The following CATSPERG variants were observed in gnomAD, a reference collection of about 807,000 sequenced individuals.
CATSPERG encodes the protein catsper channel auxiliary subunit gamma, also known as cation channel sperm-associated auxiliary subunit gamma.
A neutral mutation model predicts 145.0 loss-of-function variants in CATSPERG; 115 were observed. The observed-to-expected ratio is 0.79, with a 90% confidence interval of 0.68 to 0.93. CATSPERG has a LOEUF of 0.93. Among genes scored for constraint, CATSPERG ranks in the 40% least tolerant of loss-of-function variants. The pLI, the probability that CATSPERG is intolerant of heterozygous loss-of-function variation, is 0.00. For synonymous variants in CATSPERG, 588 were observed against 589.0 expected, an observed-to-expected ratio of 1.00 and a Z score of 0.02; for missense variants, 1,296 against 1,490.1, an observed-to-expected ratio of 0.87 and a Z score of 2.14.
At chr19:38,370,327 A>C (rs1047610719) in intron 28 of CATSPERG, 69 bp downstream of exon 28, 1 of 1,481,902 alleles carries the variant, frequency 6.7e-7, no homozygotes, top group African/African-American at 1.4e-5. Context: ...TATGCTTGTT[A>C]TACCTTCGCT....
chr19:38,367,860 GC>G, intron 25 of CATSPERG, 84 bp downstream of exon 25: 1 of 1,345,518 alleles, frequency 7.4e-7, no homozygotes, highest in Non-Finnish European at 1.1e-6. Flanking sequence ...CACCTCGCAA[GC>G]CCCCACCTCT....
At chr19:38,336,945 G>A (rs890300118) in intron 1 of CATSPERG, 5 of 528,344 alleles carry the variant, frequency 9.5e-6, no homozygotes, top group South Asian at 2.0e-5. Context: ...AGGGTCGGGG[G>A]CAGGGCCAGG....
At chr19:38,336,263 G>A (rs566361741) in intron 1 of CATSPERG, 241 of 454,952 alleles carry the variant, frequency 5.3e-4, no homozygotes, top group South Asian at 3.7e-3. Flanking sequence ...GTGGGGCGAG[G>A]AAACAACGAA....
At chr19:38,352,233 C>A in intron 7 of CATSPERG, 28 bp from the exon 8 acceptor site, 1 of 1,549,246 alleles carries the variant, frequency 6.5e-7, no homozygotes, top group East Asian at 2.4e-5. Flanking sequence ...AGGCCACCTG[C>A]TCACCACTAG....
chr19:38,353,979 A>G (rs985362540), intron 8 of CATSPERG, among the ~76,000 whole-genome samples: 2 of 140,930 alleles, frequency 1.4e-5, no homozygotes, highest in Non-Finnish European at 3.1e-5. Context: ...CGACAGAGTA[A>G]GACTCTGTCT....
rs1031265163 is a variant in CATSPERG, at chr19:38,358,531, T to C, written c.1466T>C (p.Ile489Thr). 1.2e-6 allele frequency: 2 copies of C among 1,614,046 alleles called. No individual in the cohort carries two copies. The highest frequency in any genetic ancestry group is 2.7e-5 in the African/African-American group (2 of 74,920). The change falls in exon 13 of 29, where the codon ATC becomes ACC. Residue 489 changes from isoleucine (I) to threonine (T), a missense_variant. Ile to Thr is a moderately conservative substitution (Grantham distance 89). Transcript: ENST00000409235. Reference protein sequence around the residue: ...GIFCNPYNNLIFIWGNFLLQS... With the variant: ...GIFCNPYNNLTFIWGNFLLQS... The stretch of plus-strand genomic sequence containing the variant: ...TTCTGTAACCCGTACAACAATCTGA[T>C]CTTCATCTGGGGCAACTTCCTCCTG...
Position 38,368,117 on chromosome 19 carries a change from C to G in CATSPERG, c.3000C>G (p.Ser1000=). 1 of 1,614,158 alleles carries G rather than the reference C, an allele frequency of 6.2e-7. No homozygotes were observed. The change falls in exon 26 of 29, where the codon TCC becomes TCG. Residue 1000 remains serine (S), a synonymous_variant. Transcript: ENST00000409235. The part of the protein sequence containing the change: ...TTKDSAFHIM[S]HESPGIEWLC... ...AAGACTCAGCCTTTCACATCATGTC[C>G]CACGAGAGCCCAGGCATCGAGTGAG...
At chr19:38,366,660 G>C (rs538336162) in intron 22 of CATSPERG, 119 of 155,016 alleles carry the variant, frequency 7.7e-4, no homozygotes, top group Admixed American at 1.5e-3. Flanking sequence ...TGGGGGCAAA[G>C]GAGTTGGAGG....
In CATSPERG at chr19:38,363,937, A is replaced by G. The variant is rs1011534227; in HGVS notation, c.2476-954A>G. Among the ~76,000 whole-genome samples, 3 of 152,334 alleles carry G rather than the reference A, an allele frequency of 2.0e-5. No individual in the cohort carries two copies. The East Asian group carries it at 5.8e-4, about 29-fold the overall frequency. On this transcript the variant is annotated intron_variant, in intron 20 of 28. Coordinates refer to ENST00000409235, the MANE Select transcript of CATSPERG (RefSeq NM_021185.5). ...CCCTTCCCCGCTTTCCACTCCACAAAACCGCCATTGTCATCATGGCCCGTT... is the reference window on the plus strand; with the variant it reads ...CCCTTCCCCGCTTTCCACTCCACAAGACCGCCATTGTCATCATGGCCCGTT...
chr19:38,344,152 C>T (rs1377692792), intron 5 of CATSPERG, 33 bp downstream of exon 5: 17 of 1,550,946 alleles, frequency 1.1e-5, no homozygotes, highest in Non-Finnish European at 1.5e-5. Context: ...CTGGGGTGGA[C>T]TCCGGGGGAA....
chr19:38,365,064 G>T lies in CATSPERG; in HGVS notation c.2560G>T (p.Val854Leu). The T allele has an allele frequency of 6.2e-7, 1 of 1,614,040 alleles. No individual in the cohort carries two copies. Among genetic ancestry groups the T allele is most frequent in the Non-Finnish European group, 8.5e-7 (1 of 1,180,026 alleles). Residue 854 changes from valine (V) to leucine (L), a missense_variant, in exon 22 of 29, where the codon GTG becomes TTG. Val to Leu is a conservative substitution (Grantham distance 32, BLOSUM62 1). Transcript: ENST00000409235. ...CTTCACCTGCTCCTACCCACAGGTG[G>T]TGGGTTCATCCGGGCTCTGCTTCCA... Reference protein sequence around the residue: ...LMETSMTVNVVGSSGLCFQET... With the variant: ...LMETSMTVNVLGSSGLCFQET...
chr19:38,370,628 A>C lies in CATSPERG; in HGVS notation c.3316A>C (p.Asn1106His). The change falls in exon 29 of 29, where the codon AAC (asparagine) becomes CAC (histidine). Residue 1106 changes from asparagine to histidine, a missense_variant. Coordinates refer to ENST00000409235, the MANE Select transcript of CATSPERG (RefSeq NM_021185.5). ...KGCTMIRWKI[N>H]NLIASESYYT... ...CTGCACGATGATCCGGTGGAAGATA[A>C]ACAACCTCATTGCCTCAGAATCCTA... 6.2e-7 allele frequency: 1 copy of C among 1,614,102 alleles called. No homozygotes were observed. Among genetic ancestry groups the C allele is most frequent in the Non-Finnish European group, 8.5e-7 (1 of 1,180,028 alleles).
intron 6 of CATSPERG, among the ~76,000 whole-genome samples, chr19:38,346,070 G>A (rs941621360): frequency 3.3e-5 from 5 of 152,172 alleles, no homozygotes; most frequent in African/African-American, 4.8e-5. Context: ...ACAGGGCAAC[G>A]GGAGTTGGGT....
intron 14 of CATSPERG, chr19:38,360,078 A>G: frequency 1.0e-6 from 1 of 984,950 alleles, no homozygotes; most frequent in Non-Finnish European, 1.2e-6. Context: ...TCAGATGTGT[A>G]TGGGGGTGGG....
chr19:38,357,551 T>C (rs1970267468), intron 11 of CATSPERG, among the ~76,000 whole-genome samples: 1 of 149,822 alleles, frequency 6.7e-6, no homozygotes, highest in African/African-American at 2.4e-5. Flanking sequence ...GCGTGGTGGC[T>C]CGTGCTTATA....
chr19:38,352,407 A>G lies in CATSPERG; in HGVS notation c.972A>G (p.Thr324=), dbSNP rs1970157648. ...ACTATTTTACAGGCACCTATACCAC[A>G]CTCTATGAGAGAAACCGCGGCAGTG... The part of the protein sequence containing the change: ...LVYYFTGTYT[T]LYERNRGSGS... Residue 324 remains threonine, a synonymous_variant, in exon 8 of 29, where the codon ACA becomes ACG. Transcript: ENST00000409235. The G allele has an allele frequency of 6.4e-7, 1 of 1,550,640 alleles. No individual in the cohort carries two copies. Among genetic ancestry groups the G allele is most frequent in the Admixed American group, 2.0e-5 (1 of 50,804 alleles).
chr19:38,367,952 C>G (rs760588005), intron 25 of CATSPERG, 96 bp from the exon 26 acceptor site: 4 of 1,234,186 alleles, frequency 3.2e-6, no homozygotes, highest in Non-Finnish European at 4.8e-6. Flanking sequence ...ATGTCCCCTG[C>G]ACCCACCTGT....
chr19:38,366,093 T>G (rs1351866621), intron 22 of CATSPERG: 1 of 152,336 alleles, frequency 6.6e-6, no homozygotes, highest in East Asian at 1.9e-4. Context: ...TTCTGCCCAC[T>G]CACACATTCC....
At chr19:38,336,383 G>C (rs1366523307) in intron 1 of CATSPERG, 2 of 353,256 alleles carry the variant, frequency 5.7e-6, no homozygotes, top group East Asian at 1.7e-4. Flanking sequence ...CGCGCGGGAA[G>C]AACCAATCGC....
Sources: allele counts gnomAD v4.1 joint callset (sites outside exome capture counted in the v4.1 genomes callset), GRCh38; gene constraint gnomAD v4.1.1; transcripts MANE v1.5; gene names NCBI Gene and HGNC (gene_info 2026-07-23, HGNC 2026-07-21).